Variants in LTBP2 observed in about 807,000 individuals in gnomAD.
LTBP2 encodes latent transforming growth factor beta binding protein 2, also known as latent-transforming growth factor beta-binding protein 2.
In LTBP2, 103 loss-of-function variants were observed where a neutral mutation model predicts 210.6. The ratio of observed to expected loss-of-function variants is 0.49; its 90% CI spans 0.42 to 0.58. LTBP2 has a LOEUF of 0.58. LTBP2 is among the 20% of genes least tolerant of loss of function. The pLI is 0.00. For synonymous variants in LTBP2, 1,007 were observed against 1,015.0 expected, an observed-to-expected ratio of 0.99 and a Z score of 0.15; for missense variants, 2,313 against 2,494.5, an observed-to-expected ratio of 0.93 and a Z score of 1.55.
chr14:74,510,057 C>T (rs754017803), intron 20 of LTBP2, 34 bp downstream of exon 20: 1 of 1,613,828 alleles, frequency 6.2e-7, no homozygotes, highest in South Asian at 1.1e-5. Context: ...GCTGGATCGG[C>T]CTGCGGAGAA....
At position 74,502,464 on chromosome 14, in the gene LTBP2, C is replaced by T. The variant is rs2286412; in HGVS notation, c.5170+189G>A. 0.39 allele frequency: 288,045 copies of T among 729,496 alleles called. 59,726 individuals carry two copies. Among genetic ancestry groups the T allele is most frequent in the South Asian group, 0.45 (29,346 of 65,326 alleles). The allele number at this position is 729,496 out of a possible 1,614,324, so 45.2% of individuals were successfully genotyped here. The stretch of plus-strand genomic sequence containing the variant: ...TTTGTGTCCCTGTGATAGTTTATGA[C>T]GGAGTTGTTAGGGTCGGACCTGGGC... On this transcript the variant is annotated intron_variant, in intron 34 of 35. Transcript: ENST00000261978.
intron 35 of LTBP2, 130 bp from the exon 36 acceptor site, chr14:74,501,159 G>T: frequency 8.1e-7 from 1 of 1,230,962 alleles, no homozygotes; most frequent in Non-Finnish European, 1.2e-6. Flanking sequence ...AGAGGCTGAA[G>T]TCACTTCCCA....
At chr14:74,604,766 T>C (rs2088500982) in intron 1 of LTBP2, among the ~76,000 whole-genome samples, 1 of 152,096 alleles carries the variant, frequency 6.6e-6, no homozygotes. Flanking sequence ...GCTGGGATTA[T>C]AGGTGTGAGC....
intron 1 of LTBP2, 21 bp from the exon 2 acceptor site, chr14:74,603,726 A>C (rs1035921350): frequency 1.9e-6 from 3 of 1,607,528 alleles, no homozygotes; most frequent in Middle Eastern, 1.6e-4. Context: ...ACCAAAACAG[A>C]GTCAACACAA....
At chr14:74,604,791 C>G (rs1430466954) in intron 1 of LTBP2, among the ~76,000 whole-genome samples, 1 of 151,926 alleles carries the variant, frequency 6.6e-6, no homozygotes, top group East Asian at 2.0e-4. Context: ...GCGCCCAGCC[C>G]TTCAGCTACT....
chr14:74,582,290 C>A (rs2088146130), intron 3 of LTBP2, among the ~76,000 whole-genome samples: 1 of 151,842 alleles, frequency 6.6e-6, no homozygotes, highest in Non-Finnish European at 1.5e-5. Context: ...CCCAAGCCAG[C>A]CAAAGCCACT....
chr14:74,603,701 T>G lies in LTBP2; in HGVS notation c.499A>C (p.Asn167His). Residue 167 changes from asparagine to histidine, a missense_variant, in exon 2 of 36, where the codon AAC (asparagine) becomes CAC (histidine). Coordinates refer to ENST00000261978, the MANE Select transcript of LTBP2 (RefSeq NM_000428.3). ...GGGCAGCACTGTCCCCCGCAGACGT[T>G]CCTCCTGTGGGGTCACCAAAACAGA... Reference protein sequence around the residue: ...TPPRGRLTGRNVCGGQCCPGW... With the variant: ...TPPRGRLTGRHVCGGQCCPGW... 1 of 1,614,092 alleles carries G rather than the reference T, an allele frequency of 6.2e-7. No homozygotes were observed. The highest frequency in any genetic ancestry group is 8.5e-7 in the Non-Finnish European group (1 of 1,179,956).
intron 2 of LTBP2, among the ~76,000 whole-genome samples, chr14:74,592,322 G>A (rs1175744966): frequency 6.6e-6 from 1 of 152,188 alleles, no homozygotes; most frequent in Non-Finnish European, 1.5e-5. Context: ...GTGGGCCAGC[G>A]AGTCTTCATG....
chr14:74,583,523 A>T (rs1459717995), intron 3 of LTBP2, among the ~76,000 whole-genome samples: 1 of 152,232 alleles, frequency 6.6e-6, no homozygotes, highest in Non-Finnish European at 1.5e-5. Flanking sequence ...CATTAAGAAC[A>T]TCACAGTAGC....
chr14:74,524,539 C>A (rs1478549023), intron 15 of LTBP2, among the ~76,000 whole-genome samples: 1 of 152,144 alleles, frequency 6.6e-6, no homozygotes, highest in African/African-American at 2.4e-5. Flanking sequence ...TGCACCAAGT[C>A]CCCAGACAAT....
At chr14:74,556,433 G>A (rs1459706791) in intron 3 of LTBP2, among the ~76,000 whole-genome samples, 8 of 152,164 alleles carry the variant, frequency 5.3e-5, no homozygotes, top group South Asian at 2.1e-4. Context: ...CATGTTCATC[G>A]CTATATGATA....
chr14:74,580,612 A>G (rs149847927), intron 3 of LTBP2, among the ~76,000 whole-genome samples: 2 of 152,346 alleles, frequency 1.3e-5, no homozygotes, highest in African/African-American at 4.8e-5. Flanking sequence ...CTCCTGAGCT[A>G]TAAGAGCATA....
At chr14:74,522,299 T>C (rs2087215778) in intron 16 of LTBP2, among the ~76,000 whole-genome samples, 1 of 152,186 alleles carries the variant, frequency 6.6e-6, no homozygotes, top group African/African-American at 2.4e-5. Context: ...CCCAGTAGCC[T>C]CATGATTCCT....
chr14:74,612,229 T>G lies in LTBP2; in HGVS notation c.-285A>C, dbSNP rs1476614877. ...CGTCTGAAGGGGACCCGGACGGTTT[T>G]ATTTTTGGAAACCTCCCCCGGCTTT... On this transcript the variant is annotated 5_prime_UTR_variant, in exon 1 of 36. Transcript: ENST00000261978. 4 of 424,696 alleles carry G rather than the reference T, an allele frequency of 9.4e-6. No homozygotes were observed. Among genetic ancestry groups the G allele is most frequent in the Non-Finnish European group, 1.7e-5 (4 of 241,242 alleles). 26.3% of individuals were successfully genotyped at this position (424,696 alleles called of 1,614,324 possible).
At chr14:74,543,841 A>T (rs1489558054) in intron 8 of LTBP2, among the ~76,000 whole-genome samples, 1 of 152,230 alleles carries the variant, frequency 6.6e-6, no homozygotes, top group East Asian at 1.9e-4. Flanking sequence ...GATTATGGAC[A>T]TTCTGCCCAA....
intron 1 of LTBP2, among the ~76,000 whole-genome samples, chr14:74,609,922 A>G (rs1474692600): frequency 6.6e-6 from 1 of 152,248 alleles, no homozygotes; most frequent in Admixed American, 6.5e-5. Context: ...AGATCAGGAA[A>G]GGAAAACGCT....
chr14:74,499,833 A>AACTC lies in LTBP2; in HGVS notation c.*1047_*1050dup, dbSNP rs1191574652. 8.7e-6 allele frequency: 2 copies of AACTC among 230,810 alleles called. No individual in the cohort carries two copies. The highest frequency in any genetic ancestry group is 8.6e-6 in the Non-Finnish European group (1 of 116,602). The allele number at this position is 230,810 out of a possible 1,614,324, so 14.3% of individuals were successfully genotyped here. A position where few individuals can be genotyped will look rare whatever the true frequency, so the allele number is the denominator to read the frequency against. ...GGGTTGGAGTGAGTCTCTGCTTGTA[A>AACTC]ACTCAGAGGAATGCCTGCCATCGTT... On this transcript the variant is annotated 3_prime_UTR_variant, in exon 36 of 36. Coordinates refer to ENST00000261978, the MANE Select transcript of LTBP2 (RefSeq NM_000428.3).
At chr14:74,569,584 G>T (rs1436341868) in intron 3 of LTBP2, among the ~76,000 whole-genome samples, 1 of 152,174 alleles carries the variant, frequency 6.6e-6, no homozygotes, top group Admixed American at 6.5e-5. Flanking sequence ...AATGACAGAA[G>T]CCAGCTGTGC....
rs993458250 is a variant in LTBP2 at position 74,527,843 on chromosome 14, CACA to C, written c.2369-480_2369-478del. 3.3e-5 allele frequency among the ~76,000 whole-genome samples: 5 copies of C among 152,338 alleles called. No homozygotes were observed. The East Asian group carries it at 9.6e-4, about 29-fold the overall frequency. ...CCTGGCTTGGCCGGTGTCCTGTGTC[CACA>C]ACAACTGGGGCTCTGTCCTCACTCC... On this transcript the variant is annotated intron_variant, in intron 12 of 35. Coordinates refer to ENST00000261978, the MANE Select transcript of LTBP2 (RefSeq NM_000428.3).
Sources: gnomAD v4.1 joint callset for allele counts (sites outside exome capture counted in the v4.1 genomes callset) on GRCh38, gnomAD v4.1.1 for gene constraint, MANE v1.5 for transcripts, NCBI Gene and HGNC (gene_info 2026-07-23, HGNC 2026-07-21) for gene names.